Variants in COL23A1 observed in about 807,000 individuals in gnomAD.
COL23A1 encodes the protein collagen alpha-1(XXIII) chain.
A neutral mutation model predicts 99.3 loss-of-function variants in COL23A1; 97 were observed. That is an observed-to-expected ratio of 0.98 (90% CI 0.83 to 1.16). The LOEUF (loss-of-function observed/expected upper bound fraction) is 1.16, where lower values mean the gene tolerates loss of function less well. Ranked by LOEUF, COL23A1 falls within the 50% of genes most tolerant of loss-of-function variation. The probability of loss-of-function intolerance (pLI) is 0.00; values close to 1 mark genes in which losing one functional copy is unlikely to be tolerated. For missense variants in COL23A1, 762 were observed against 757.4 expected (o/e 1.01, Z -0.07); for synonymous variants, 320 against 308.2 (o/e 1.04, Z -0.40).
At chr5:178,342,563 C>T (rs1367365015) in intron 2 of COL23A1, among the ~76,000 whole-genome samples, 1 of 152,196 alleles carries the variant, frequency 6.6e-6, no homozygotes, top group African/African-American at 2.4e-5. Flanking sequence ...TCCCAGGTCC[C>T]ACCGGCCAGA....
chr5:178,240,533 A>T (rs563267652), intron 27 of COL23A1, among the ~76,000 whole-genome samples: 63 of 152,264 alleles, frequency 4.1e-4, no homozygotes, highest in African/African-American at 1.4e-3. Flanking sequence ...CGCACGTGGG[A>T]TTCTCCTGTT....
intron 2 of COL23A1, among the ~76,000 whole-genome samples, chr5:178,554,332 C>T (rs888816576): frequency 1.3e-5 from 2 of 152,194 alleles, no homozygotes; most frequent in African/African-American, 4.8e-5. Context: ...GCGTGTGCCA[C>T]TATGCCCAGC....
chr5:178,578,595 C>T (rs965379267), intron 1 of COL23A1, among the ~76,000 whole-genome samples: 1 of 152,148 alleles, frequency 6.6e-6, no homozygotes, highest in Non-Finnish European at 1.5e-5. Context: ...TGTTTCACAG[C>T]TCAGAGTTGG....
At chr5:178,466,856 C>T (rs1215542751) in intron 2 of COL23A1, among the ~76,000 whole-genome samples, 3 of 152,148 alleles carry the variant, frequency 2.0e-5, no homozygotes, top group Non-Finnish European at 4.4e-5. Context: ...CACGGAAGTC[C>T]GAGGAAGGCA....
intron 2 of COL23A1, among the ~76,000 whole-genome samples, chr5:178,552,440 T>TA (rs1458725439): frequency 2.6e-5 from 4 of 152,170 alleles, no homozygotes; most frequent in African/African-American, 9.7e-5. Context: ...CATACCAAGG[T>TA]AGCTGCCTTA....
intron 3 of COL23A1, 21 bp from the exon 4 acceptor site, chr5:178,290,390 A>G: frequency 6.2e-7 from 1 of 1,614,098 alleles, no homozygotes; most frequent in Non-Finnish European, 8.5e-7. Flanking sequence ...CAAGCAGAGA[A>G]GCCACAGTCA....
At chr5:178,362,176 C>T (rs892228554) in intron 2 of COL23A1, among the ~76,000 whole-genome samples, 1 of 152,320 alleles carries the variant, frequency 6.6e-6, no homozygotes, top group East Asian at 1.9e-4. Context: ...GTGTGCAGAG[C>T]GGCTCCTCCT....
Position 178,590,373 on chromosome 5 carries a change from A to C in COL23A1, c.-176T>G. Reference sequence around the variant, plus strand: ...CCTTCGCCGCAGCCAGCTCCTCCACAGCGGCCACTTTGGGCAGTTTCCTCT... The same window carrying C: ...CCTTCGCCGCAGCCAGCTCCTCCACCGCGGCCACTTTGGGCAGTTTCCTCT... On this transcript the variant is annotated 5_prime_UTR_variant, in exon 1 of 29. Coordinates refer to ENST00000390654, the MANE Select transcript of COL23A1 (RefSeq NM_173465.4). The surrounding 1 kb of genome is among the most constrained non-coding windows in gnomAD (Gnocchi z 5.7). The C allele has an allele frequency of 2.2e-6, 1 of 452,576 alleles. No individual in the cohort carries two copies. Among genetic ancestry groups the C allele is most frequent in the Non-Finnish European group, 3.3e-6 (1 of 299,544 alleles). 28.0% of individuals were successfully genotyped at this position (452,576 alleles called of 1,614,324 possible). A position where few individuals can be genotyped will look rare whatever the true frequency, so the allele number is the denominator to read the frequency against.
At chr5:178,244,429 A>G (rs968632977) in intron 25 of COL23A1, among the ~76,000 whole-genome samples, 22 of 152,254 alleles carry the variant, frequency 1.4e-4, no homozygotes, top group African/African-American at 5.3e-4. Context: ...ACCCCAGTCC[A>G]TGGTCTCACT....
Position 178,246,372 on chromosome 5 carries a change from C to G in COL23A1, c.1359+19G>C, listed in dbSNP as rs1482763768. The G allele has an allele frequency of 6.4e-7, 1 of 1,572,140 alleles. No homozygotes were observed. The highest frequency in any genetic ancestry group is 8.6e-7 in the Non-Finnish European group (1 of 1,157,602). ...CAGGAATTAACACCTTTGGGACAAA[C>G]AACGCTTGTGAGACTCACAGGCAGG... On this transcript the variant is annotated intron_variant, in intron 23 of 28. Transcript: ENST00000390654.
chr5:178,289,633 C>A (rs1426537084), intron 4 of COL23A1, among the ~76,000 whole-genome samples: 1 of 152,186 alleles, frequency 6.6e-6, no homozygotes, highest in East Asian at 1.9e-4. Flanking sequence ...GGACAACTGC[C>A]CGACTCTACA....
chr5:178,248,312 C>T (rs1022849353), intron 19 of COL23A1, 58 bp from the exon 20 acceptor site: 35 of 1,343,670 alleles, frequency 2.6e-5, no homozygotes, highest in Admixed American at 2.5e-4. Flanking sequence ...TCACCACCCA[C>T]GGTGCTTAGT....
At chr5:178,440,440 T>C (rs1436353698) in intron 2 of COL23A1, among the ~76,000 whole-genome samples, 1 of 152,228 alleles carries the variant, frequency 6.6e-6, no homozygotes, top group East Asian at 1.9e-4. Flanking sequence ...ACCGCTAGGA[T>C]AATGCTTAGC....
chr5:178,352,193 G>A (rs1761368375), intron 2 of COL23A1: 1 of 152,210 alleles, frequency 6.6e-6, no homozygotes, highest in Non-Finnish European at 1.5e-5. Flanking sequence ...CACCAAGAAG[G>A]TGCAAGACTT....
At position 178,264,163 on chromosome 5, in the gene COL23A1, T is replaced by G. The variant is rs1017072912; in HGVS notation, c.523-839A>C. Among the ~76,000 whole-genome samples the G allele has an allele frequency of 2.0e-5, 3 of 152,026 alleles. No homozygotes were observed. The East Asian group carries it at 5.8e-4, about 29-fold the overall frequency. On this transcript the variant is annotated intron_variant, in intron 8 of 28. Coordinates refer to ENST00000390654, the MANE Select transcript of COL23A1 (RefSeq NM_173465.4). Reference sequence around the variant, plus strand: ...TGCACAGAACACACAAACGAGTGTGTGTACAGGTGGGGGCATCTGAATAAG... The same window carrying G: ...TGCACAGAACACACAAACGAGTGTGGGTACAGGTGGGGGCATCTGAATAAG...
intron 1 of COL23A1, among the ~76,000 whole-genome samples, chr5:178,585,731 CACAGCCCTGGCT>C (rs1763951549): frequency 2.0e-4 from 1 of 4,908 alleles, no homozygotes; most frequent in Non-Finnish European, 5.2e-4. Context: ...GGTAACACTC[CACAGCCCTGGCT>C]GACCCTGTTG....
intron 2 of COL23A1, among the ~76,000 whole-genome samples, chr5:178,516,740 T>C (rs1581544732): frequency 6.6e-6 from 1 of 152,222 alleles, no homozygotes; most frequent in East Asian, 1.9e-4. Context: ...TCCTCAGGCC[T>C]GGCGGGTGCC....
intron 2 of COL23A1, among the ~76,000 whole-genome samples, chr5:178,312,960 A>C (rs998702324): frequency 1.6e-4 from 24 of 152,388 alleles, no homozygotes; most frequent in Admixed American, 1.3e-3. Flanking sequence ...GTCCACGGAC[A>C]GAAGAATGAG....
intron 2 of COL23A1, among the ~76,000 whole-genome samples, chr5:178,354,994 G>A (rs145822453): frequency 3.3e-5 from 5 of 151,206 alleles, no homozygotes; most frequent in African/African-American, 9.8e-5. Context: ...GGAGGCGGAG[G>A]TTGCAGTGAG....
Sources: allele counts gnomAD v4.1 joint callset (sites outside exome capture counted in the v4.1 genomes callset), GRCh38; gene constraint gnomAD v4.1.1; non-coding constraint Gnocchi (gnomAD v3.1); transcripts MANE v1.5; gene names NCBI Gene and HGNC (gene_info 2026-07-23, HGNC 2026-07-21).